JHY: variants seen among roughly 807,000 people sequenced by gnomAD.
JHY encodes the protein junctional cadherin complex regulator.
JHY carries 69 observed loss-of-function variants against 78.0 expected under a neutral mutation model. That is an observed-to-expected ratio of 0.88 (90% CI 0.73 to 1.08). The LOEUF is 1.08. Among genes scored for constraint, JHY ranks in the 50% least tolerant of loss-of-function variants. The probability of loss-of-function intolerance (pLI) is 0.00; values close to 1 mark genes in which losing one functional copy is unlikely to be tolerated. For missense variants in JHY, 944 were observed against 927.8 expected (o/e 1.02, Z -0.23); for synonymous variants, 368 against 342.6 (o/e 1.07, Z -0.82).
At chr11:122,895,130 T>G (rs1335607025) in intron 2 of JHY, among the ~76,000 whole-genome samples, 5 of 152,236 alleles carry the variant, frequency 3.3e-5, no homozygotes, top group African/African-American at 1.2e-4. Context: ...AATGATCAGT[T>G]TTATAGTTCC....
At chr11:122,928,502 C>G (rs568780224) in intron 4 of JHY, among the ~76,000 whole-genome samples, 104 of 150,724 alleles carry the variant, frequency 6.9e-4, no homozygotes, top group Admixed American at 2.6e-3. Context: ...TATTGAGTAT[C>G]TACTGCATTC....
chr11:122,945,836 T>C (rs1332730390), intron 5 of JHY, among the ~76,000 whole-genome samples: 5 of 152,192 alleles, frequency 3.3e-5, no homozygotes, highest in African/African-American at 1.2e-4. Context: ...GGGGGTTGTT[T>C]TTCTATTCAG....
At chr11:122,916,768 A>G (rs1863242793) in intron 3 of JHY, among the ~76,000 whole-genome samples, 1 of 152,070 alleles carries the variant, frequency 6.6e-6, no homozygotes, top group African/African-American at 2.4e-5. Context: ...GCCACCGAGT[A>G]GCTGGGATTA....
chr11:122,905,634 G>A (rs902282707), intron 3 of JHY: 1 of 966,794 alleles, frequency 1.0e-6, no homozygotes, highest in South Asian at 4.8e-5. Flanking sequence ...TTGGGAGGTC[G>A]AGGTGGGAGG....
At chr11:122,944,907 G>A (rs1863934177) in intron 5 of JHY, among the ~76,000 whole-genome samples, 1 of 151,992 alleles carries the variant, frequency 6.6e-6, no homozygotes, top group Non-Finnish European at 1.5e-5. Flanking sequence ...TTATTGGTTT[G>A]TAAGTGTTTC....
intron 3 of JHY, among the ~76,000 whole-genome samples, chr11:122,913,417 T>A (rs1284081546): frequency 6.6e-6 from 1 of 152,216 alleles, no homozygotes; most frequent in African/African-American, 2.4e-5. Context: ...TGTGACGCCA[T>A]GTTACCTTCA....
intron 2 of JHY, among the ~76,000 whole-genome samples, chr11:122,903,101 G>A (rs1231829967): frequency 6.6e-6 from 1 of 152,198 alleles, no homozygotes; most frequent in Non-Finnish European, 1.5e-5. Flanking sequence ...AGCGTCACTA[G>A]GTGACAGGAA....
chr11:122,961,129 GACTAAATGGAA>G lies in JHY; in HGVS notation c.*1689_*1699del, dbSNP rs1437836855. 1.3e-6 allele frequency: 1 copy of G among 784,662 alleles called. No individual in the cohort carries two copies. The highest frequency in any genetic ancestry group is 1.7e-5 in the African/African-American group (1 of 57,512). 48.6% of individuals were successfully genotyped at this position (784,662 alleles called of 1,614,324 possible). Reference sequence around the variant, plus strand: ...TTGAGAGAGCCAGAAACAGTTGACTGACTAAATGGAAACTAGGCTATGTGGCAAAATCTTTC... The same window carrying G: ...TTGAGAGAGCCAGAAACAGTTGACTGACTAGGCTATGTGGCAAAATCTTTC... On this transcript the variant is annotated 3_prime_UTR_variant, in exon 9 of 9. Transcript: ENST00000227349.
At chr11:122,958,053 G>A (rs532908060) in intron 8 of JHY, among the ~76,000 whole-genome samples, 16 of 152,152 alleles carry the variant, frequency 1.1e-4, no homozygotes, top group African/African-American at 3.9e-4. Flanking sequence ...TATAAACACT[G>A]TTTCTCTCAA....
chr11:122,941,489 C>T (rs541375802), intron 5 of JHY, among the ~76,000 whole-genome samples: 10 of 152,280 alleles, frequency 6.6e-5, no homozygotes, highest in African/African-American at 2.4e-4. Context: ...AATTACAATG[C>T]CAGTACCACT....
intron 3 of JHY, among the ~76,000 whole-genome samples, chr11:122,918,449 G>T (rs952447197): frequency 2.6e-5 from 4 of 151,408 alleles, no homozygotes; most frequent in African/African-American, 9.8e-5. Context: ...CGTTAAATGG[G>T]CCATGAGGCA....
At chr11:122,956,992 GATC>G (rs1394747410) in intron 7 of JHY, among the ~76,000 whole-genome samples, 3 of 152,142 alleles carry the variant, frequency 2.0e-5, no homozygotes, top group Non-Finnish European at 4.4e-5. Context: ...AGTGAAAGGA[GATC>G]TTCATTTAAT....
chr11:122,946,848 A>G (rs1863976273), intron 6 of JHY, 56 bp downstream of exon 6: 4 of 1,540,126 alleles, frequency 2.6e-6, no homozygotes. Context: ...ATACAGATGG[A>G]CCTTGATGTA....
chr11:122,915,426 G>A (rs1442397625), intron 3 of JHY, among the ~76,000 whole-genome samples: 2 of 152,214 alleles, frequency 1.3e-5, no homozygotes, highest in Non-Finnish European at 2.9e-5. Flanking sequence ...GTGCCTGACT[G>A]TCCAGGGAAG....
intron 3 of JHY, among the ~76,000 whole-genome samples, chr11:122,912,219 G>A (rs1362559394): frequency 1.3e-5 from 2 of 151,364 alleles, no homozygotes; most frequent in Admixed American, 6.6e-5. Flanking sequence ...CCTGGGAGGC[G>A]GAGGTTGCAG....
At chr11:122,912,570 G>T (rs1007104095) in intron 3 of JHY, among the ~76,000 whole-genome samples, 1 of 151,822 alleles carries the variant, frequency 6.6e-6, no homozygotes, top group African/African-American at 2.4e-5. Context: ...GCTCAACCTC[G>T]TCTCCACCAA....
intron 4 of JHY, among the ~76,000 whole-genome samples, chr11:122,933,875 A>G (rs1025359411): frequency 6.6e-6 from 1 of 152,180 alleles, no homozygotes; most frequent in African/African-American, 2.4e-5. Flanking sequence ...TGTATATTGT[A>G]ATGTAGATTT....
At position 122,885,959 on chromosome 11, in the gene JHY, G is replaced by A. The variant is rs1364181517; in HGVS notation, c.110G>A (p.Arg37Gln). The A allele has an allele frequency of 3.1e-6, 5 of 1,614,000 alleles. No individual in the cohort carries two copies. Among genetic ancestry groups the A allele is most frequent in the Admixed American group, 1.7e-5 (1 of 60,014 alleles). Residue 37 changes from arginine (R) to glutamine (Q), a missense_variant, in exon 2 of 9, where the codon CGG (arginine) becomes CAG (glutamine). By Grantham distance (43) the Arg-to-Gln change is conservative. Transcript: ENST00000227349. ...CCTTTGAAGAAAGAAGACTTACATC[G>A]GATTTCAAAAGACTCCTTGGAATCT... The part of the protein sequence containing the change: ...HPPLKKEDLH[R>Q]ISKDSLESDS...
In JHY at chr11:122,899,634, A is replaced by G. The variant is rs1862806350; in HGVS notation, c.345-4291A>G. ...CAGCATACTAGGGCAGAAGTTAGGA[A>G]ACGAAAGATCACTTGCAGTCCCCGC... On this transcript the variant is annotated intron_variant, in intron 2 of 8. Transcript: ENST00000227349. Among the ~76,000 whole-genome samples, 5 of 152,220 alleles carry G rather than the reference A, an allele frequency of 3.3e-5. No homozygotes were observed. The South Asian group carries it at 1.0e-3, about 32-fold the overall frequency.
Sources: gnomAD v4.1 joint callset for allele counts (sites outside exome capture counted in the v4.1 genomes callset) on GRCh38, gnomAD v4.1.1 for gene constraint, MANE v1.5 for transcripts, NCBI Gene and HGNC (gene_info 2026-07-23, HGNC 2026-07-21) for gene names.